The following SORCS1 variants were observed in gnomAD, a reference collection of about 807,000 sequenced individuals.
The protein encoded by SORCS1 is VPS10 domain-containing receptor SorCS1.
In SORCS1, 60 loss-of-function variants were observed where a neutral mutation model predicts 146.1. That is an observed-to-expected ratio of 0.41 (90% confidence interval 0.33 to 0.51). The LOEUF is 0.51. SORCS1 is among the 20% of genes least tolerant of loss of function. The pLI is 0.21. For synonymous variants in SORCS1, 637 were observed against 584.0 expected, an observed-to-expected ratio of 1.09 and a Z score of -1.31; for missense variants, 1,352 against 1,487.6, an observed-to-expected ratio of 0.91 and a Z score of 1.50.
At chr10:106,975,447 G>C (rs1955952406) in intron 1 of SORCS1, among the ~76,000 whole-genome samples, 1 of 152,206 alleles carries the variant, frequency 6.6e-6, no homozygotes, top group African/African-American at 2.4e-5. Context: ...AATGCTGTTG[G>C]CTACAAGCCA....
At chr10:107,127,559 T>C (rs1039176518) in intron 1 of SORCS1, among the ~76,000 whole-genome samples, 1 of 152,218 alleles carries the variant, frequency 6.6e-6, no homozygotes, top group Non-Finnish European at 1.5e-5. Context: ...AATGGGATCA[T>C]GTTCCTGAAG....
chr10:106,737,846 A>C (rs1476712400), intron 5 of SORCS1, among the ~76,000 whole-genome samples: 1 of 152,244 alleles, frequency 6.6e-6, no homozygotes, highest in African/African-American at 2.4e-5. Flanking sequence ...CAAAAAGAGC[A>C]TGAGATTAAG....
chr10:106,980,621 A>G (rs1956212910), intron 1 of SORCS1, among the ~76,000 whole-genome samples: 1 of 152,208 alleles, frequency 6.6e-6, no homozygotes, highest in African/African-American at 2.4e-5. Flanking sequence ...GCCACTCACC[A>G]TCTATCACTC....
chr10:106,635,648 C>A (rs2133623988), intron 18 of SORCS1, among the ~76,000 whole-genome samples: 1 of 152,118 alleles, frequency 6.6e-6, no homozygotes, highest in South Asian at 2.1e-4. Flanking sequence ...AGAAACATTA[C>A]AAAATACAAC....
intron 10 of SORCS1, 45 bp downstream of exon 10, chr10:106,688,147 A>G: frequency 6.3e-7 from 1 of 1,586,910 alleles, no homozygotes; most frequent in South Asian, 1.2e-5. Context: ...ATCCATTTCC[A>G]TCCCTCTACT....
chr10:106,661,445 T>C (rs1364101215), intron 17 of SORCS1, among the ~76,000 whole-genome samples: 13 of 152,242 alleles, frequency 8.5e-5, no homozygotes, highest in African/African-American at 3.1e-4. Context: ...ACATTAAATA[T>C]GTCTCAGATA....
At chr10:106,602,280 G>A (rs1474291858) in intron 23 of SORCS1, among the ~76,000 whole-genome samples, 3 of 152,114 alleles carry the variant, frequency 2.0e-5, no homozygotes, top group African/African-American at 7.2e-5. Flanking sequence ...GCATTCTAGT[G>A]CCATGTTTAA....
chr10:106,705,691 T>C (rs958476239), intron 8 of SORCS1, among the ~76,000 whole-genome samples: 2 of 152,182 alleles, frequency 1.3e-5, no homozygotes, highest in Non-Finnish European at 2.9e-5. Flanking sequence ...CCTAGTCACT[T>C]CAAATACATC....
At position 107,039,253 on chromosome 10, in the gene SORCS1, GGGA is replaced by G. The variant is rs796763063; in HGVS notation, c.559-82676_559-82674del. On this transcript the variant is annotated intron_variant, in intron 1 of 25. Coordinates refer to ENST00000263054, the MANE Select transcript of SORCS1 (RefSeq NM_052918.5). The stretch of plus-strand genomic sequence containing the variant: ...CGAGGCAGGAAAATGGCGTGAACCC[GGGA>G]GGAGGAGTTTGCAGTGAGCGTAGAT... Among the ~76,000 whole-genome samples the G allele has an allele frequency of 8.6e-5, 13 of 151,496 alleles. No individual in the cohort carries two copies. In the East Asian group the frequency reaches 2.5e-3, roughly 30 times the overall value.
At chr10:107,057,090 A>C (rs1338388840) in intron 1 of SORCS1, among the ~76,000 whole-genome samples, 6 of 152,224 alleles carry the variant, frequency 3.9e-5, no homozygotes, top group Admixed American at 3.9e-4. Flanking sequence ...AACTTCAAAG[A>C]GCATGGCTAG....
intron 2 of SORCS1, among the ~76,000 whole-genome samples, chr10:106,878,505 T>A (rs1186964889): frequency 6.6e-6 from 1 of 150,788 alleles, no homozygotes. Flanking sequence ...TGTGAGGATA[T>A]CATCTATGAA....
chr10:106,763,748 C>T (rs73363670), intron 4 of SORCS1, among the ~76,000 whole-genome samples: 1,719 of 152,314 alleles, frequency 0.011, 41 homozygotes, highest in African/African-American at 0.039. Context: ...AGAGCAGATG[C>T]TATCAAACTA....
chr10:106,844,661 A>G (rs1052333877), intron 2 of SORCS1, among the ~76,000 whole-genome samples: 1 of 149,188 alleles, frequency 6.7e-6, no homozygotes, highest in Non-Finnish European at 1.5e-5. Context: ...TACATGTGCC[A>G]TGCTGGTGCG....
At chr10:106,674,179 A>T (rs576719776) in intron 14 of SORCS1, among the ~76,000 whole-genome samples, 123 of 149,716 alleles carry the variant, frequency 8.2e-4, no homozygotes, top group African/African-American at 3.0e-3. Context: ...TTATAAAAAA[A>T]TTACCCGGGC....
At chr10:106,612,099 T>C in intron 21 of SORCS1, 76 bp from the exon 22 acceptor site, 1 of 1,180,444 alleles carries the variant, frequency 8.5e-7, no homozygotes, top group East Asian at 2.5e-5. Flanking sequence ...TTATATTTTA[T>C]ACAAAATGGA....
At chr10:106,842,483 C>T (rs965956522) in intron 2 of SORCS1, among the ~76,000 whole-genome samples, 3 of 151,836 alleles carry the variant, frequency 2.0e-5, no homozygotes, top group Non-Finnish European at 2.9e-5. Context: ...ATCTGCCCAC[C>T]TCAGCCTCCC....
chr10:106,785,639 G>A (rs149134053), intron 3 of SORCS1, among the ~76,000 whole-genome samples: 4 of 152,280 alleles, frequency 2.6e-5, no homozygotes, highest in East Asian at 1.9e-4. Context: ...GTGTACTGGG[G>A]AAGATTAATG....
At chr10:107,016,566 A>G (rs1379460191) in intron 1 of SORCS1, among the ~76,000 whole-genome samples, 2 of 152,242 alleles carry the variant, frequency 1.3e-5, no homozygotes, top group Non-Finnish European at 2.9e-5. Flanking sequence ...AGGCAACACA[A>G]TGAGATTTCT....
At chr10:106,957,722 C>G (rs116281887) in intron 1 of SORCS1, among the ~76,000 whole-genome samples, 2 of 152,022 alleles carry the variant, frequency 1.3e-5, no homozygotes, top group Non-Finnish European at 2.9e-5. Flanking sequence ...GGAAAGAAGC[C>G]GTAGAATTGT....
Sources: allele counts gnomAD v4.1 joint callset (sites outside exome capture counted in the v4.1 genomes callset), GRCh38; gene constraint gnomAD v4.1.1; transcripts MANE v1.5; gene names NCBI Gene and HGNC (gene_info 2026-07-23, HGNC 2026-07-21).